Variants in PTPN21 observed in about 807,000 individuals in gnomAD.
PTPN21 encodes the protein tyrosine-protein phosphatase non-receptor type 21.
A neutral mutation model predicts 131.8 loss-of-function variants in PTPN21; 77 were observed. The observed-to-expected ratio is 0.58, with a 90% CI of 0.49 to 0.71. The LOEUF is 0.71. PTPN21 is among the 30% of genes least tolerant of loss of function. The pLI, the probability that PTPN21 is intolerant of heterozygous loss-of-function variation, is 0.00. For synonymous variants in PTPN21, 715 were observed against 621.3 expected (o/e 1.15, Z -2.24); for missense variants, 1,552 against 1,527.1 (o/e 1.02, Z -0.27).
At position 88,479,181 on chromosome 14, in the gene PTPN21, C is replaced by G; in HGVS notation, c.2250G>C (p.Leu750=). ...AQDPPGCPRV[L]LAGPLHILEP... is the part of the protein sequence containing the mutation. ...CCAGGATGTGCAGGGGCCCGGCGAG[C>G]AGGACGCGAGGGCAGCCAGGTGGGT... The change falls in exon 13 of 19, where the codon CTG becomes CTC. Residue 750 remains leucine (L), a synonymous_variant. Transcript: ENST00000556564. The G allele has an allele frequency of 6.4e-7, 1 of 1,556,142 alleles. No individual in the cohort carries two copies. The highest frequency in any genetic ancestry group is 1.2e-5 in the South Asian group (1 of 81,216).
At chr14:88,543,709 A>G (rs2139358487) in intron 2 of PTPN21, among the ~76,000 whole-genome samples, 1 of 152,358 alleles carries the variant, frequency 6.6e-6, no homozygotes, top group East Asian at 1.9e-4. Flanking sequence ...CAATTTAAAA[A>G]ACATTTCGTA....
chr14:88,471,071 C>A (rs1002378762), intron 15 of PTPN21, among the ~76,000 whole-genome samples: 1 of 152,124 alleles, frequency 6.6e-6, no homozygotes, highest in Non-Finnish European at 1.5e-5. Context: ...CAAGGAAATG[C>A]TCGGTTTTTA....
At chr14:88,488,050 T>C (rs2077764285) in intron 10 of PTPN21, among the ~76,000 whole-genome samples, 1 of 152,148 alleles carries the variant, frequency 6.6e-6, no homozygotes, top group Admixed American at 6.5e-5. Flanking sequence ...CTCTGGTTAT[T>C]CTTCATTGTC....
intron 12 of PTPN21, among the ~76,000 whole-genome samples, chr14:88,481,259 A>G (rs193126660): frequency 3.3e-5 from 5 of 152,334 alleles, no homozygotes; most frequent in Admixed American, 3.3e-4. Flanking sequence ...TCCAGTGGGT[A>G]CACTTTATTC....
chr14:88,504,044 T>C (rs183621618), intron 6 of PTPN21: 111 of 193,698 alleles, frequency 5.7e-4, no homozygotes, highest in African/African-American at 2.3e-3. Flanking sequence ...CTTGCTAAGC[T>C]GTATCATAAA....
intron 3 of PTPN21, among the ~76,000 whole-genome samples, chr14:88,510,894 G>A (rs1047513035): frequency 1.3e-5 from 2 of 151,630 alleles, no homozygotes; most frequent in African/African-American, 2.4e-5. Context: ...TGGATGGATG[G>A]ATGGATACAC....
rs2077613470 is a variant in PTPN21, at chr14:88,479,738, G to C, written c.1693C>G (p.Pro565Ala). The change falls in exon 13 of 19, where the codon CCA (proline) becomes GCA (alanine). Residue 565 changes from proline (P) to alanine (A), a missense_variant. By Grantham distance (27) the Pro-to-Ala change is conservative. Transcript: ENST00000556564. ...CTGGGGGGCGGGTAGGGTGGGGGTGGCCGGTACACCTGCGTCCGCATGATG... is the reference window on the plus strand; with the variant it reads ...CTGGGGGGCGGGTAGGGTGGGGGTGCCCGGTACACCTGCGTCCGCATGATG... ...PNIMRTQVYR[P>A]PPPYPPPRPA... The C allele has an allele frequency of 1.3e-6, 2 of 1,532,008 alleles. No homozygotes were observed. The highest frequency in any genetic ancestry group is 4.5e-5 in the East Asian group (2 of 44,104). The allele number at this position is 1,532,008 out of a possible 1,614,324, so 94.9% of individuals were successfully genotyped here. A position where few individuals can be genotyped will look rare whatever the true frequency, so the allele number is the denominator to read the frequency against.
intron 10 of PTPN21, among the ~76,000 whole-genome samples, chr14:88,488,617 A>G (rs771673781): frequency 6.6e-5 from 10 of 152,192 alleles, no homozygotes; most frequent in Non-Finnish European, 1.5e-4. Context: ...ACTGAGAAGA[A>G]ATCACTAGAA....
At chr14:88,538,315 T>G (rs1459903234) in intron 2 of PTPN21, among the ~76,000 whole-genome samples, 2 of 152,152 alleles carry the variant, frequency 1.3e-5, no homozygotes, top group African/African-American at 4.8e-5. Flanking sequence ...ACCAAATTCA[T>G]CTAACAGTAG....
rs138713555 is a variant in PTPN21, at chr14:88,480,049, C to T, written c.1382G>A (p.Gly461Asp). ...YETVMKQLNR[G>D]LVHAERQSHS... ...GCTCTGCCGTTCCGCATGCACCAGG[C>T]CCCTGTTGAGCTGCTTCATCACAGT... The change falls in exon 13 of 19, where the codon GGC becomes GAC. Residue 461 changes from glycine (G) to aspartate (D), a missense_variant. This residue lies in a region of PTPN21 where 1,016 missense variants were observed against 883.5 expected (regional missense o/e 1.15). Coordinates refer to ENST00000556564, the MANE Select transcript of PTPN21 (RefSeq NM_007039.4). 3.7e-6 allele frequency: 6 copies of T among 1,614,018 alleles called. No individual in the cohort carries two copies. The highest frequency in any genetic ancestry group is 1.1e-5 in the South Asian group (1 of 91,084).
At chr14:88,524,596 A>G (rs1280954865) in intron 2 of PTPN21, among the ~76,000 whole-genome samples, 1 of 152,234 alleles carries the variant, frequency 6.6e-6, no homozygotes, top group Non-Finnish European at 1.5e-5. Context: ...AGAAAAAAAT[A>G]GATAAACTTA....
Position 88,554,720 on chromosome 14 carries a change from C to CG in PTPN21, c.-273dup, listed in dbSNP as rs897976379. 2.7e-5 allele frequency: 4 copies of CG among 147,810 alleles called. No homozygotes were observed. The highest frequency in any genetic ancestry group is 9.8e-5 in the African/African-American group (4 of 40,904). 9.2% of individuals were successfully genotyped at this position (147,810 alleles called of 1,614,324 possible). A position where few individuals can be genotyped will look rare whatever the true frequency, so the allele number is the denominator to read the frequency against. On this transcript the variant is annotated 5_prime_UTR_variant, in exon 1 of 19. It removes the in-frame stop codon of an upstream open reading frame in the 5' UTR. Coordinates refer to ENST00000556564, the MANE Select transcript of PTPN21 (RefSeq NM_007039.4). ...CTCAGCGACCCGCCTCCCGGGGCCC[C>CG]GCCGCGCGGCCGCCGCAGCCGCACC...
At chr14:88,470,130 TAAAA>T in intron 15 of PTPN21, 80 bp from the exon 16 acceptor site, 1 of 1,434,740 alleles carries the variant, frequency 7.0e-7, no homozygotes. Context: ...ATGGTAGTAC[TAAAA>T]AAGTTTTTTT....
At chr14:88,530,176 C>A (rs532442203) in intron 2 of PTPN21, among the ~76,000 whole-genome samples, 1 of 150,118 alleles carries the variant, frequency 6.7e-6, no homozygotes, top group Non-Finnish European at 1.5e-5. Context: ...CCAGCAAAAC[C>A]AAGCTTCATA....
chr14:88,479,505 C>A lies in PTPN21; in HGVS notation c.1926G>T (p.Gly642=). The A allele has an allele frequency of 3.7e-6, 6 of 1,601,118 alleles. No homozygotes were observed. Among genetic ancestry groups the A allele is most frequent in the Non-Finnish European group, 1.7e-6 (2 of 1,179,218 alleles). ...GCAGGCCCTCCAGGCCGTGGCTGAG[C>A]CCGGCCACCTCGATGCTGTTCCGTT... ...LHKRNSIEVA[G]LSHGLEGLRL... The change falls in exon 13 of 19, where the codon GGG becomes GGT. Residue 642 remains glycine, a synonymous_variant. Coordinates refer to ENST00000556564, the MANE Select transcript of PTPN21 (RefSeq NM_007039.4).
intron 2 of PTPN21, among the ~76,000 whole-genome samples, chr14:88,549,956 T>C (rs1412722851): frequency 6.6e-6 from 1 of 152,020 alleles, no homozygotes; most frequent in East Asian, 1.9e-4. Flanking sequence ...CGGCTAATTT[T>C]TGTATTTTTA....
intron 8 of PTPN21, among the ~76,000 whole-genome samples, chr14:88,497,808 AC>A (rs1170416411): frequency 6.6e-6 from 1 of 151,348 alleles, no homozygotes; most frequent in African/African-American, 2.4e-5. Context: ...CAAATAAAAA[AC>A]AAAAACTAGG....
At chr14:88,520,179 G>A (rs1322788780) in intron 2 of PTPN21, among the ~76,000 whole-genome samples, 1 of 152,174 alleles carries the variant, frequency 6.6e-6, no homozygotes. Flanking sequence ...ATTTTAGGAA[G>A]CTGAAGTGGG....
chr14:88,539,516 G>A (rs763322300), intron 2 of PTPN21, among the ~76,000 whole-genome samples: 5 of 152,108 alleles, frequency 3.3e-5, no homozygotes, highest in Admixed American at 6.6e-5. Context: ...CCGAACTGCC[G>A]GGATTACAGA....
Sources: allele counts gnomAD v4.1 joint callset (sites outside exome capture counted in the v4.1 genomes callset), GRCh38; gene constraint gnomAD v4.1.1; regional missense constraint gnomAD v4.1.1; transcripts MANE v1.5; gene names NCBI Gene and HGNC (gene_info 2026-07-23, HGNC 2026-07-21).